The following LIPT1 variants were observed in gnomAD, a reference collection of about 807,000 sequenced individuals.
LIPT1 encodes lipoyl amidotransferase LIPT1, mitochondrial.
A neutral mutation model predicts 25.1 loss-of-function variants in LIPT1; 22 were observed. That is an observed-to-expected ratio of 0.88 (90% confidence interval 0.63 to 1.25). LIPT1 has a LOEUF of 1.25. LIPT1 is among the 50% of genes most tolerant of loss of function. The pLI is 0.00. For synonymous variants in LIPT1, 131 were observed against 150.8 expected (o/e 0.87, Z 0.96); for missense variants, 399 against 432.8 (o/e 0.92, Z 0.69).
chr2:99,156,212 TAAC>T (rs2093751648), intron 1 of LIPT1: 1 of 152,256 alleles, frequency 6.6e-6, no homozygotes, highest in African/African-American at 2.4e-5. Context: ...AGGCTTAGCC[TAAC>T]AACCCTATTT....
chr2:99,155,144 G>A, intron 1 of LIPT1, 93 bp downstream of exon 1: 1 of 442,934 alleles, frequency 2.3e-6, no homozygotes, highest in Non-Finnish European at 4.5e-6. Context: ...GTTTCTGGCG[G>A]TGGGTCAGGA....
Position 99,162,988 on chromosome 2 carries a change from T to A in LIPT1, c.1031T>A (p.Leu344Gln). The change falls in exon 2 of 2, where the codon CTA (leucine) becomes CAA (glutamine). Residue 344 changes from leucine to glutamine, a missense_variant. Physicochemically the swap from Leu to Gln is moderately radical, Grantham distance 113. Transcript: ENST00000651691. ...TTTTGCCCAACTGAAACTACCATGC[T>A]AACAAATATATTACTTAGAACATGT... ...SKFCPTETTM[L>Q]TNILLRTCPQ... 6.2e-7 allele frequency: 1 copy of A among 1,613,458 alleles called. No individual in the cohort carries two copies. The highest frequency in any genetic ancestry group is 8.5e-7 in the Non-Finnish European group (1 of 1,179,668).
At position 99,162,153 on chromosome 2, in the gene LIPT1, T is replaced by A; in HGVS notation, c.196T>A (p.Trp66Arg). Residue 66 changes from tryptophan to arginine, a missense_variant, in exon 2 of 2, where the codon TGG (tryptophan) becomes AGG (arginine). Transcript: ENST00000651691. ...AGAAGGCAAACCAATTCTATTCTTT[T>A]GGCAGAATTCTCCCTCTGTTGTAAT... The part of the protein sequence containing the change: ...NLEGKPILFF[W>R]QNSPSVVIGR... 1.2e-6 allele frequency: 2 copies of A among 1,614,094 alleles called. No homozygotes were observed. The highest frequency in any genetic ancestry group is 1.7e-6 in the Non-Finnish European group (2 of 1,179,960).
chr2:99,160,812 T>A (rs2105193261), intron 1 of LIPT1, among the ~76,000 whole-genome samples: 1 of 152,300 alleles, frequency 6.6e-6, no homozygotes, highest in Middle Eastern at 3.4e-3. Context: ...AAATTATTTT[T>A]AAAGTGTTAT....
At chr2:99,161,801 A>G in intron 1 of LIPT1, 156 bp from the exon 2 acceptor site, 3 of 553,666 alleles carry the variant, frequency 5.4e-6, no homozygotes, top group Admixed American at 6.7e-5. Context: ...ACTTGGTTAT[A>G]GCATTGCTAA....
Position 99,157,619 on chromosome 2 carries a change from G to T in LIPT1, c.-2+2568G>T, listed in dbSNP as rs544040310. 2.6e-5 allele frequency among the ~76,000 whole-genome samples: 4 copies of T among 152,204 alleles called. No individual in the cohort carries two copies. The South Asian group carries it at 6.2e-4, about 24-fold the overall frequency. On this transcript the variant is annotated intron_variant, in intron 1 of 1. Transcript: ENST00000651691. ...CCTCATCTTATTTGCTCAATCTTTG[G>T]CATTTGGCACTGTTGACCATCTTGT...
chr2:99,162,709 C>T lies in LIPT1; in HGVS notation c.752C>T (p.Thr251Met), dbSNP rs1433605011. ...IDNHIHLINP[T>M]DETLFPGINS... ...AATCACATTCACCTAATAAACCCAA[C>T]GGATGAGACACTGTTTCCTGGAATA... The change falls in exon 2 of 2, where the codon ACG (threonine) becomes ATG (methionine). Residue 251 changes from threonine (T) to methionine (M), a missense_variant. By Grantham distance (81) the Thr-to-Met change is moderately conservative (BLOSUM62 -1). Coordinates refer to ENST00000651691, the MANE Select transcript of LIPT1 (RefSeq NM_145199.3). The T allele has an allele frequency of 3.7e-6, 6 of 1,614,036 alleles. No homozygotes were observed. Among genetic ancestry groups the T allele is most frequent in the Admixed American group, 1.7e-5 (1 of 59,994 alleles).
chr2:99,158,972 AGGCT>A (rs2093769451), intron 1 of LIPT1, among the ~76,000 whole-genome samples: 1 of 152,026 alleles, frequency 6.6e-6, no homozygotes, highest in South Asian at 2.1e-4. Flanking sequence ...TCTGTCGCCC[AGGCT>A]GGAGTGTAGT....
rs370947293 is a variant in LIPT1 at position 99,162,781 on chromosome 2, A to G, written c.824A>G (p.Lys275Arg). 41 of 1,614,036 alleles carry G rather than the reference A, an allele frequency of 2.5e-5. No homozygotes were observed. The highest frequency in any genetic ancestry group is 3.3e-5 in the Non-Finnish European group (39 of 1,179,978). ...ELQTWEWIYG[K>R]TPKFSINTSF... ...CAAACTTGGGAGTGGATATATGGCA[A>G]AACTCCAAAGTTTAGTATAAATACT... Residue 275 changes from lysine (K) to arginine (R), a missense_variant, in exon 2 of 2, where the codon AAA (lysine) becomes AGA (arginine). Physicochemically the swap from Lys to Arg is conservative, Grantham distance 26. Transcript: ENST00000651691.
At position 99,155,424 on chromosome 2, in the gene LIPT1, AT is replaced by A. The variant is rs1005460070; in HGVS notation, c.-2+374del. Reference sequence around the variant, plus strand: ...AATAATAGGGTCTTGGCGAGGTCTTATGAAGAAGCTGCGCCTGCCTAGAAAG... The same window carrying A: ...AATAATAGGGTCTTGGCGAGGTCTTAGAAGAAGCTGCGCCTGCCTAGAAAG... On this transcript the variant is annotated intron_variant, in intron 1 of 1. Transcript: ENST00000651691. The A allele has an allele frequency of 5.3e-5, 24 of 453,108 alleles. No individual in the cohort carries two copies. In the Admixed American group the frequency reaches 5.8e-4, roughly 11 times the overall value. The allele number at this position is 453,108 out of a possible 1,614,324, so 28.1% of individuals were successfully genotyped here.
At chr2:99,159,102 G>A (rs1314065480) in intron 1 of LIPT1, among the ~76,000 whole-genome samples, 1 of 152,026 alleles carries the variant, frequency 6.6e-6, no homozygotes, top group African/African-American at 2.4e-5. Context: ...CTAATTTTTT[G>A]TATTTTTAGT....
chr2:99,155,070 C>T lies in LIPT1; in HGVS notation c.-2+19C>T, dbSNP rs2516834. Reference sequence around the variant, plus strand: ...GCCGCAGGTGGGTGAAGCGGAAACGCTTCAAACCGGGATGTTGCGGGCCGT... The same window carrying T: ...GCCGCAGGTGGGTGAAGCGGAAACGTTTCAAACCGGGATGTTGCGGGCCGT... On this transcript the variant is annotated intron_variant, in intron 1 of 1. Transcript: ENST00000651691. 277,136 of 455,270 alleles carry T rather than the reference C, an allele frequency of 0.61. 86,043 individuals carry two copies. Among genetic ancestry groups the T allele is most frequent in the East Asian group, 0.88 (12,595 of 14,366 alleles). The allele number at this position is 455,270 out of a possible 1,614,324, so 28.2% of individuals were successfully genotyped here.
chr2:99,161,910 G>A (rs993588725), intron 1 of LIPT1, 47 bp from the exon 2 acceptor site: 1 of 1,440,574 alleles, frequency 6.9e-7, no homozygotes, highest in Non-Finnish European at 9.4e-7. Flanking sequence ...AGAATTTAAT[G>A]TTCCTTTTCT....
chr2:99,155,145 TG>T (rs1235493853), intron 1 of LIPT1, 94 bp downstream of exon 1: 2 of 442,642 alleles, frequency 4.5e-6, no homozygotes, highest in Admixed American at 4.8e-5. Context: ...TTTCTGGCGG[TG>T]GGTCAGGACT....
chr2:99,162,778 G>A lies in LIPT1; in HGVS notation c.821G>A (p.Gly274Asp). Residue 274 changes from glycine (G) to aspartate (D), a missense_variant, in exon 2 of 2, where the codon GGC (glycine) becomes GAC (aspartate). By Grantham distance (94) the Gly-to-Asp change is moderately conservative. Transcript: ENST00000651691. ...KELQTWEWIYGKTPKFSINTS... is the reference protein window; with the variant it reads ...KELQTWEWIYDKTPKFSINTS... The stretch of plus-strand genomic sequence containing the variant: ...CTGCAAACTTGGGAGTGGATATATG[G>A]CAAAACTCCAAAGTTTAGTATAAAT... The A allele has an allele frequency of 6.2e-7, 1 of 1,614,024 alleles. No homozygotes were observed. The highest frequency in any genetic ancestry group is 8.5e-7 in the Non-Finnish European group (1 of 1,179,936).
At position 99,162,348 on chromosome 2, in the gene LIPT1, AAATT is replaced by A. The variant is rs2105199939; in HGVS notation, c.396_399del (p.Ile133Ter). 1 of 1,613,802 alleles carries A rather than the reference AAATT, an allele frequency of 6.2e-7. No individual in the cohort carries two copies. The highest frequency in any genetic ancestry group is 8.5e-7 in the Non-Finnish European group (1 of 1,179,964). The stretch of plus-strand genomic sequence containing the variant: ...AAAGTATGATAGAATGGAAAATCTG[AAATT>A]AATTGTGAGAGCTCTGAATGCTGTC... On this transcript the variant is annotated frameshift_variant, in exon 2 of 2. Coordinates refer to ENST00000651691, the MANE Select transcript of LIPT1 (RefSeq NM_145199.3). LOFTEE classifies it high-confidence loss of function.
intron 1 of LIPT1, among the ~76,000 whole-genome samples, chr2:99,157,526 C>G (rs1170135164): frequency 1.3e-5 from 2 of 152,246 alleles, no homozygotes; most frequent in Non-Finnish European, 2.9e-5. Context: ...CCTATTTACT[C>G]AGTACATCTG....
At chr2:99,157,990 G>A (rs1313352352) in intron 1 of LIPT1, among the ~76,000 whole-genome samples, 1 of 152,198 alleles carries the variant, frequency 6.6e-6, no homozygotes. Flanking sequence ...CACATATTGT[G>A]TACTTTCTTC....
rs1471378958 is a variant in LIPT1 at position 99,155,007 on chromosome 2, C to A, written c.-46C>A. On this transcript the variant is annotated 5_prime_UTR_variant, in exon 1 of 2. Coordinates refer to ENST00000651691, the MANE Select transcript of LIPT1 (RefSeq NM_145199.3). The stretch of plus-strand genomic sequence containing the variant: ...CTCGGGGTCGTATGACGCACTTTTC[C>A]AGCTCGAGCCCTCACGAGGCCGTGG... 2.2e-6 allele frequency: 1 copy of A among 455,884 alleles called. No individual in the cohort carries two copies. The highest frequency in any genetic ancestry group is 2.0e-5 in the African/African-American group (1 of 50,076). The allele number at this position is 455,884 out of a possible 1,614,324, so 28.2% of individuals were successfully genotyped here. A position where few individuals can be genotyped will look rare whatever the true frequency, so the allele number is the denominator to read the frequency against.
Sources: allele counts gnomAD v4.1 joint callset (sites outside exome capture counted in the v4.1 genomes callset), GRCh38; gene constraint gnomAD v4.1.1; transcripts MANE v1.5; gene names NCBI Gene and HGNC (gene_info 2026-07-23, HGNC 2026-07-21).